CCDC170: variants seen among roughly 807,000 people sequenced by gnomAD.
CCDC170 encodes the protein coiled-coil domain containing 170.
Under a neutral mutation model 72.6 loss-of-function variants are expected in CCDC170, and 69 were observed. The ratio of observed to expected loss-of-function variants is 0.95; its 90% CI spans 0.78 to 1.16. The LOEUF (loss-of-function observed/expected upper bound fraction) is 1.16. Among genes scored for constraint, CCDC170 ranks in the 50% most tolerant of loss-of-function variants. CCDC170 has a pLI of 0.00. For missense variants in CCDC170, 852 were observed against 832.5 expected (o/e 1.02, Z -0.29); for synonymous variants, 300 against 303.9 (o/e 0.99, Z 0.13).
rs1384588542 is a variant in CCDC170 at position 151,620,984 on chromosome 6, T to C, written c.*2837T>C. ...TGTGTGACTCTAGTGATCTTTAACATACACAGAATGATCTACAGTGATCTT... is the reference window on the plus strand; with the variant it reads ...TGTGTGACTCTAGTGATCTTTAACACACACAGAATGATCTACAGTGATCTT... On this transcript the variant is annotated 3_prime_UTR_variant, in exon 11 of 11. Transcript: ENST00000239374. The C allele has an allele frequency of 6.6e-6, 1 of 152,200 alleles. No individual in the cohort carries two copies. The highest frequency in any genetic ancestry group is 1.5e-5 in the Non-Finnish European group (1 of 68,032). The allele number at this position is 152,200 out of a possible 1,614,324, so 9.4% of individuals were successfully genotyped here.
At chr6:151,612,623 C>T (rs1776891911) in intron 9 of CCDC170, among the ~76,000 whole-genome samples, 1 of 152,092 alleles carries the variant, frequency 6.6e-6, no homozygotes, top group Admixed American at 6.5e-5. Context: ...CAGCTGTTTA[C>T]CGTGTAGGTC....
At chr6:151,529,522 T>C (rs1209699119) in intron 1 of CCDC170, among the ~76,000 whole-genome samples, 1 of 152,106 alleles carries the variant, frequency 6.6e-6, no homozygotes, top group Non-Finnish European at 1.5e-5. Flanking sequence ...CTGGGCATTG[T>C]GGTGCATGCC....
rs752592170 is a variant in CCDC170, at chr6:151,615,659, G to A, written c.1927G>A (p.Ala643Thr). ...GACACTAAAAAAATCTCTGGAAGAA[G>A]CAGAAAAGAGAGAAAAGCAGGTGGG... ...MKTLKKSLEEAEKREKQLADF... is the reference protein window; with the variant it reads ...MKTLKKSLEETEKREKQLADF... The change falls in exon 10 of 11, where the codon GCA (alanine) becomes ACA (threonine). Residue 643 changes from alanine (A) to threonine (T), a missense_variant. Physicochemically the swap from Ala to Thr is moderately conservative, Grantham distance 58. Transcript: ENST00000239374. The A allele has an allele frequency of 2.5e-6, 4 of 1,613,534 alleles. No homozygotes were observed. The highest frequency in any genetic ancestry group is 3.4e-6 in the Non-Finnish European group (4 of 1,179,698).
chr6:151,599,560 C>A (rs773178923), intron 9 of CCDC170, among the ~76,000 whole-genome samples: 3 of 152,086 alleles, frequency 2.0e-5, no homozygotes, highest in Non-Finnish European at 4.4e-5. Context: ...TCACATGGAG[C>A]CTTATGTGTC....
chr6:151,518,459 G>T (rs1339365257), intron 1 of CCDC170, among the ~76,000 whole-genome samples: 1 of 152,086 alleles, frequency 6.6e-6, no homozygotes, highest in Non-Finnish European at 1.5e-5. Flanking sequence ...CCCAAGAGAG[G>T]GTTCTTGGAT....
At chr6:151,617,805 A>T in intron 10 of CCDC170, 142 bp from the exon 11 acceptor site, 1 of 673,436 alleles carries the variant, frequency 1.5e-6, no homozygotes, top group Non-Finnish European at 2.5e-6. Context: ...TTTATAAGTG[A>T]GAGAACTAGG....
intron 1 of CCDC170, among the ~76,000 whole-genome samples, chr6:151,534,158 G>C (rs1782539203): frequency 6.6e-6 from 1 of 151,212 alleles, no homozygotes; most frequent in Non-Finnish European, 1.5e-5. Context: ...TGACCTCCTG[G>C]GACTCAAGCC....
At chr6:151,586,951 AT>A (rs1288761086) in intron 7 of CCDC170, among the ~76,000 whole-genome samples, 7 of 151,656 alleles carry the variant, frequency 4.6e-5, no homozygotes, top group Admixed American at 2.6e-4. Flanking sequence ...CGCCCGGCTA[AT>A]TTTTTGTATT....
intron 10 of CCDC170, 98 bp from the exon 11 acceptor site, chr6:151,617,849 C>A (rs1776993941): frequency 8.5e-7 from 1 of 1,171,100 alleles, no homozygotes; most frequent in African/African-American, 1.5e-5. Flanking sequence ...CTCATGCAAA[C>A]CTGGGTTTTC....
chr6:151,550,038 T>C (rs555449217), intron 5 of CCDC170, among the ~76,000 whole-genome samples: 2 of 152,326 alleles, frequency 1.3e-5, no homozygotes, highest in East Asian at 3.9e-4. Flanking sequence ...AATTGTAAAC[T>C]TTTATTTACA....
At chr6:151,612,451 C>A (rs1776888437) in intron 9 of CCDC170, among the ~76,000 whole-genome samples, 1 of 152,144 alleles carries the variant, frequency 6.6e-6, no homozygotes, top group Non-Finnish European at 1.5e-5. Context: ...GAAATTCATT[C>A]ATTGGGGCAG....
At chr6:151,554,035 C>G (rs1782931881) in intron 5 of CCDC170, among the ~76,000 whole-genome samples, 1 of 152,026 alleles carries the variant, frequency 6.6e-6, no homozygotes, top group African/African-American at 2.4e-5. Context: ...TCAGTTCCTT[C>G]AAGAAAATTT....
At position 151,591,784 on chromosome 6, in the gene CCDC170, C is replaced by T. The variant is rs775519040; in HGVS notation, c.1294-1323C>T. On this transcript the variant is annotated intron_variant, in intron 7 of 10. Transcript: ENST00000239374. ...TGCTGGGATTACAGGCATGAGCCAC[C>T]GCACCTGGCCCTGCATTAAAAAATT... is the stretch of plus-strand genomic sequence containing the variant. Among the ~76,000 whole-genome samples the T allele has an allele frequency of 2.1e-4, 32 of 152,104 alleles. No homozygotes were observed. In the East Asian group the frequency reaches 2.3e-3, roughly 11 times the overall value.
chr6:151,609,457 G>C (rs759270824), intron 9 of CCDC170, among the ~76,000 whole-genome samples: 1 of 152,116 alleles, frequency 6.6e-6, no homozygotes, highest in African/African-American at 2.4e-5. Flanking sequence ...CCCTTTCTGG[G>C]TCTTTGGCCC....
At chr6:151,557,185 G>T (rs893435958) in intron 5 of CCDC170, among the ~76,000 whole-genome samples, 1 of 152,054 alleles carries the variant, frequency 6.6e-6, no homozygotes, top group Non-Finnish European at 1.5e-5. Context: ...AAGGCGGGTG[G>T]ATCATGACGT....
intron 1 of CCDC170, among the ~76,000 whole-genome samples, chr6:151,521,858 C>T (rs1457176247): frequency 6.6e-6 from 1 of 151,962 alleles, no homozygotes; most frequent in Non-Finnish European, 1.5e-5. Context: ...TGGTGGCAGG[C>T]CCCTGTAGTC....
intron 4 of CCDC170, among the ~76,000 whole-genome samples, chr6:151,545,382 C>T (rs1175648367): frequency 6.6e-6 from 1 of 151,954 alleles, no homozygotes; most frequent in Non-Finnish European, 1.5e-5. Flanking sequence ...CACTGCACTC[C>T]ACCTGGGCCA....
intron 1 of CCDC170, among the ~76,000 whole-genome samples, chr6:151,527,953 C>T (rs1782436908): frequency 6.6e-6 from 1 of 152,066 alleles, no homozygotes; most frequent in African/African-American, 2.4e-5. Flanking sequence ...AAGACTGGCC[C>T]AAGACATTGT....
At chr6:151,558,033 A>G (rs905492029) in intron 5 of CCDC170, among the ~76,000 whole-genome samples, 11 of 144,688 alleles carry the variant, frequency 7.6e-5, no homozygotes, top group Non-Finnish European at 1.4e-4. Context: ...TTGGGAGGTG[A>G]GGTTGCACTG....
Sources: gnomAD v4.1 joint callset for allele counts (sites outside exome capture counted in the v4.1 genomes callset) on GRCh38, gnomAD v4.1.1 for gene constraint, MANE v1.5 for transcripts, NCBI Gene and HGNC (gene_info 2026-07-23, HGNC 2026-07-21) for gene names.